Variants in IL17B observed in about 807,000 individuals in gnomAD.
The protein encoded by IL17B is interleukin 17B.
A neutral mutation model predicts 14.7 loss-of-function variants in IL17B; 14 were observed. The observed-to-expected ratio is 0.95, with a 90% CI of 0.63 to 1.49. IL17B has a LOEUF of 1.49. Among genes scored for constraint, IL17B ranks in the 40% most tolerant of loss-of-function variants. IL17B has a pLI of 0.00. For missense variants in IL17B, 233 were observed against 252.8 expected, an observed-to-expected ratio of 0.92 and a Z score of 0.53; for synonymous variants, 105 against 94.8, an observed-to-expected ratio of 1.11 and a Z score of -0.62.
intron 1 of IL17B, among the ~76,000 whole-genome samples, chr5:149,398,478 G>A (rs1326063406): frequency 3.3e-5 from 5 of 152,188 alleles, no homozygotes; most frequent in Non-Finnish European, 5.9e-5. Flanking sequence ...AAAAGAGAGC[G>A]GCAGACACAG....
In IL17B at chr5:149,379,246, G is replaced by A; in HGVS notation, c.-21C>T. ...TCCATTCCGCCAAGCTGCAAGGTCAGCCTGCAGCTGCTGCCCGCCTGGAAC... is the reference window on the plus strand; with the variant it reads ...TCCATTCCGCCAAGCTGCAAGGTCAACCTGCAGCTGCTGCCCGCCTGGAAC... On this transcript the variant is annotated 5_prime_UTR_variant, in exon 1 of 3. Coordinates refer to ENST00000261796, the MANE Select transcript of IL17B (RefSeq NM_014443.3). The A allele has an allele frequency of 1.2e-6, 2 of 1,613,756 alleles. No individual in the cohort carries two copies. The highest frequency in any genetic ancestry group is 1.1e-5 in the South Asian group (1 of 91,078).
intron 1 of IL17B, among the ~76,000 whole-genome samples, chr5:149,403,945 C>G (rs1294948695): frequency 6.6e-6 from 1 of 152,206 alleles, no homozygotes; most frequent in Non-Finnish European, 1.5e-5. Flanking sequence ...AGAGCCGGCT[C>G]TCCCAGGGCC....
chr5:149,402,909 G>A (rs1759238154), intron 1 of IL17B, among the ~76,000 whole-genome samples: 1 of 149,634 alleles, frequency 6.7e-6, no homozygotes, highest in African/African-American at 2.5e-5. Flanking sequence ...AGGCTGAGGT[G>A]GGAGAATCGC....
intron 1 of IL17B, among the ~76,000 whole-genome samples, chr5:149,391,766 C>T (rs1237387592): frequency 1.3e-5 from 2 of 152,166 alleles, no homozygotes; most frequent in African/African-American, 2.4e-5. Context: ...GGCGACTGGC[C>T]GGTGTGCAAT....
At chr5:149,375,455 C>T (rs1758500802) in intron 2 of IL17B, among the ~76,000 whole-genome samples, 1 of 152,220 alleles carries the variant, frequency 6.6e-6, no homozygotes, top group Non-Finnish European at 1.5e-5. Context: ...TCTGAAGCTG[C>T]ATTTTTATCA....
chr5:149,397,291 T>C (rs1404348054), intron 1 of IL17B, among the ~76,000 whole-genome samples: 3 of 152,130 alleles, frequency 2.0e-5, no homozygotes, highest in Admixed American at 6.5e-5. Context: ...CACCTCAGCC[T>C]CCCGAGTAGC....
chr5:149,401,546 A>G (rs1244000911), intron 1 of IL17B, among the ~76,000 whole-genome samples: 2 of 152,184 alleles, frequency 1.3e-5, no homozygotes, highest in Non-Finnish European at 2.9e-5. Context: ...CTCTACTAAC[A>G]GTACAAAACT....
chr5:149,402,880 G>A (rs1299887797), intron 1 of IL17B, among the ~76,000 whole-genome samples: 5 of 150,738 alleles, frequency 3.3e-5, no homozygotes, highest in Non-Finnish European at 5.9e-5. Context: ...GCACATACCT[G>A]TAGTCCCAGC....
chr5:149,389,402 C>A (rs1448718700), intron 1 of IL17B, among the ~76,000 whole-genome samples: 1 of 152,226 alleles, frequency 6.6e-6, no homozygotes, highest in Non-Finnish European at 1.5e-5. Flanking sequence ...ACAGAGAAAT[C>A]AAACTGGAAT....
chr5:149,376,713 C>A, intron 2 of IL17B, 23 bp downstream of exon 2: 1 of 1,579,258 alleles, frequency 6.3e-7, no homozygotes. Flanking sequence ...CCAAAGACAG[C>A]TTGCCACCAC....
upstream of IL17B, among the ~76,000 whole-genome samples, chr5:149,381,781 C>G (rs2127618675): frequency 6.6e-6 from 1 of 152,328 alleles, no homozygotes; most frequent in East Asian, 1.9e-4. Flanking sequence ...GTCATCTGTC[C>G]TTTTTGATGT....
intron 1 of IL17B, among the ~76,000 whole-genome samples, chr5:149,402,207 A>T (rs1581399486): frequency 1.3e-5 from 2 of 152,256 alleles, no homozygotes; most frequent in African/African-American, 4.8e-5. Flanking sequence ...ACCGAGCAGG[A>T]GCTAATCTTG....
chr5:149,375,800 G>A (rs1758513745), intron 2 of IL17B, among the ~76,000 whole-genome samples: 1 of 152,132 alleles, frequency 6.6e-6, no homozygotes, highest in African/African-American at 2.4e-5. Context: ...GATTGCTTGA[G>A]CCCAGGAGGC....
intron 1 of IL17B, among the ~76,000 whole-genome samples, chr5:149,393,598 T>C (rs1025231902): frequency 6.6e-6 from 1 of 152,220 alleles, no homozygotes; most frequent in Non-Finnish European, 1.5e-5. Context: ...GTCTTCCTTA[T>C]AGTGTAATTA....
At chr5:149,403,822 T>G (rs1367840615) in intron 1 of IL17B, among the ~76,000 whole-genome samples, 1 of 152,206 alleles carries the variant, frequency 6.6e-6, no homozygotes, top group Non-Finnish European at 1.5e-5. Flanking sequence ...CACTTCATCC[T>G]TGGTTAGTTC....
chr5:149,393,281 C>T (rs1414887258), intron 1 of IL17B, among the ~76,000 whole-genome samples: 1 of 152,162 alleles, frequency 6.6e-6, no homozygotes, highest in Non-Finnish European at 1.5e-5. Flanking sequence ...TCGCAGTGCA[C>T]GCTTCCAAGA....
chr5:149,394,058 CAT>C (rs1051022370), intron 1 of IL17B, among the ~76,000 whole-genome samples: 9 of 152,148 alleles, frequency 5.9e-5, no homozygotes, highest in Admixed American at 2.0e-4. Context: ...AATTGAGAGA[CAT>C]ATCAAAACAT....
chr5:149,381,366 G>A (rs181192731), upstream of IL17B, among the ~76,000 whole-genome samples: 276 of 152,318 alleles, frequency 1.8e-3, no homozygotes, highest in African/African-American at 6.4e-3. Context: ...GGAGCTACAC[G>A]GGTCCTCACC....
chr5:149,387,754 T>G (rs1758854467), intron 1 of IL17B, among the ~76,000 whole-genome samples: 1 of 122,758 alleles, frequency 8.1e-6, no homozygotes, highest in Admixed American at 1.0e-4. Context: ...CCAGCCTGGG[T>G]GACAAAGCAT....
Sources: allele counts gnomAD v4.1 joint callset (sites outside exome capture counted in the v4.1 genomes callset), GRCh38; gene constraint gnomAD v4.1.1; transcripts MANE v1.5; gene names NCBI Gene and HGNC (gene_info 2026-07-23, HGNC 2026-07-21).